The following ARHGAP26 variants were observed in gnomAD, a reference collection of about 807,000 sequenced individuals.
ARHGAP26 encodes the protein Rho GTPase activating protein 26, also known as rho GTPase-activating protein 26.
In ARHGAP26, 38 loss-of-function variants were observed where a neutral mutation model predicts 104.8. The observed-to-expected ratio is 0.36, with a 90% CI of 0.28 to 0.48. The LOEUF (loss-of-function observed/expected upper bound fraction) is 0.48, where lower values mean the gene tolerates loss of function less well. Among genes scored for constraint, ARHGAP26 ranks in the 20% least tolerant of loss-of-function variants. The pLI, the probability that ARHGAP26 is intolerant of heterozygous loss-of-function variation, is 0.99. For missense variants in ARHGAP26, 704 were observed against 947.9 expected (o/e 0.74, Z 3.38); for synonymous variants, 341 against 340.0 (o/e 1.00, Z -0.03).
chr5:143,108,724 G>T (rs1002381637), intron 17 of ARHGAP26, among the ~76,000 whole-genome samples: 1 of 152,142 alleles, frequency 6.6e-6, no homozygotes, highest in African/African-American at 2.4e-5. Flanking sequence ...ACCTAGGGTG[G>T]GTATTTCATG....
chr5:143,003,771 T>C (rs931095282), intron 11 of ARHGAP26, among the ~76,000 whole-genome samples: 1 of 152,084 alleles, frequency 6.6e-6, no homozygotes, highest in Non-Finnish European at 1.5e-5. Context: ...CTGTTAATAC[T>C]CTCATAAGTA....
At chr5:142,826,376 G>C (rs1364040459) in intron 1 of ARHGAP26, among the ~76,000 whole-genome samples, 1 of 152,178 alleles carries the variant, frequency 6.6e-6, no homozygotes, top group African/African-American at 2.4e-5. Flanking sequence ...ATCATGTTAG[G>C]AATTGTCATA....
intron 1 of ARHGAP26, among the ~76,000 whole-genome samples, chr5:142,780,856 T>C (rs549346339): frequency 1.3e-5 from 2 of 152,314 alleles, no homozygotes; most frequent in African/African-American, 4.8e-5. Flanking sequence ...CTGGAATTCC[T>C]GGGAGCTGGT....
intron 22 of ARHGAP26, 26 bp downstream of exon 22, chr5:143,214,114 A>C: frequency 2.6e-6 from 1 of 377,902 alleles, no homozygotes; most frequent in Non-Finnish European, 5.2e-6. Context: ...CCTCACAAAG[A>C]TATGGGCGGG....
intron 1 of ARHGAP26, chr5:142,771,276 G>C (rs1188115212): frequency 8.0e-7 from 1 of 1,244,150 alleles, no homozygotes; most frequent in Non-Finnish European, 1.0e-6. Flanking sequence ...CGTGTCCACA[G>C]CTCCAGCTCC....
intron 4 of ARHGAP26, 144 bp from the exon 5 acceptor site, chr5:142,885,154 C>T: frequency 1.6e-6 from 1 of 638,612 alleles, no homozygotes; most frequent in Non-Finnish European, 2.8e-6. Flanking sequence ...TGATGGGTGG[C>T]TGCAGGATTT....
At chr5:142,965,277 C>T (rs1227229474) in intron 11 of ARHGAP26, among the ~76,000 whole-genome samples, 1 of 152,224 alleles carries the variant, frequency 6.6e-6, no homozygotes, top group Non-Finnish European at 1.5e-5. Flanking sequence ...GCAAGCCTGA[C>T]TGATGTCAGG....
chr5:143,204,005 C>T (rs1333921672), intron 20 of ARHGAP26, among the ~76,000 whole-genome samples: 2 of 151,086 alleles, frequency 1.3e-5, no homozygotes, highest in Admixed American at 6.6e-5. Flanking sequence ...CATCATGGCA[C>T]GTGTATATCT....
intron 20 of ARHGAP26, among the ~76,000 whole-genome samples, chr5:143,153,671 A>G (rs1295568093): frequency 6.6e-6 from 1 of 152,236 alleles, no homozygotes; most frequent in Non-Finnish European, 1.5e-5. Context: ...GATTACTGCA[A>G]TGATGGAACC....
At chr5:143,065,166 A>T (rs1394282408) in intron 17 of ARHGAP26, among the ~76,000 whole-genome samples, 1 of 152,170 alleles carries the variant, frequency 6.6e-6, no homozygotes, top group Non-Finnish European at 1.5e-5. Flanking sequence ...AAACATGAAC[A>T]TGACTCAGTT....
At chr5:142,782,099 A>G (rs1027511579) in intron 1 of ARHGAP26, among the ~76,000 whole-genome samples, 4 of 152,206 alleles carry the variant, frequency 2.6e-5, no homozygotes, top group African/African-American at 9.6e-5. Context: ...GGAAGGGATG[A>G]CAGAGGAGTT....
At chr5:143,210,626 A>G (rs1229424362) in intron 21 of ARHGAP26, among the ~76,000 whole-genome samples, 1 of 152,174 alleles carries the variant, frequency 6.6e-6, no homozygotes, top group East Asian at 1.9e-4. Flanking sequence ...CAAACCCGTA[A>G]CTTGCATTTG....
At chr5:143,103,373 G>A (rs990750775) in intron 17 of ARHGAP26, 1 of 289,694 alleles carries the variant, frequency 3.5e-6, no homozygotes, top group African/African-American at 2.3e-5. Flanking sequence ...AACCATTGTG[G>A]AAGACAGTGT....
At chr5:142,934,533 G>A (rs1012458530) in intron 11 of ARHGAP26, among the ~76,000 whole-genome samples, 3 of 152,190 alleles carry the variant, frequency 2.0e-5, no homozygotes, top group Non-Finnish European at 4.4e-5. Flanking sequence ...GCCTCTAGGG[G>A]ACATTACTAG....
chr5:142,874,291 C>G (rs1234260392), intron 2 of ARHGAP26, among the ~76,000 whole-genome samples: 1 of 152,228 alleles, frequency 6.6e-6, no homozygotes, highest in South Asian at 2.1e-4. Context: ...GCACACTATT[C>G]TTCTATAGGC....
intron 20 of ARHGAP26, among the ~76,000 whole-genome samples, chr5:143,186,027 T>C (rs535022171): frequency 6.6e-6 from 1 of 152,272 alleles, no homozygotes; most frequent in African/African-American, 2.4e-5. Context: ...TAAGAGGCCA[T>C]GGCTCAGAAG....
At chr5:143,049,153 GACAA>G (rs1784646026) in intron 14 of ARHGAP26, among the ~76,000 whole-genome samples, 1 of 151,986 alleles carries the variant, frequency 6.6e-6, no homozygotes, top group Admixed American at 6.6e-5. Flanking sequence ...TTTTTCTAAA[GACAA>G]ACAAATCTCT....
At chr5:143,057,919 A>G (rs372593801) in intron 17 of ARHGAP26, 172 bp downstream of exon 17, 5 of 720,176 alleles carry the variant, frequency 6.9e-6, no homozygotes, top group East Asian at 2.7e-5. Context: ...AACAGCAGCA[A>G]ATGCCAGATG....
At chr5:143,133,298 T>C (rs1797565969) in intron 18 of ARHGAP26, among the ~76,000 whole-genome samples, 1 of 152,210 alleles carries the variant, frequency 6.6e-6, no homozygotes, top group Non-Finnish European at 1.5e-5. Context: ...GGATAATTTT[T>C]TGTTTTCTTC....
Sources: gnomAD v4.1 joint callset for allele counts (sites outside exome capture counted in the v4.1 genomes callset) on GRCh38, gnomAD v4.1.1 for gene constraint, MANE v1.5 for transcripts, NCBI Gene and HGNC (gene_info 2026-07-23, HGNC 2026-07-21) for gene names.